Variants in INSR observed in about 807,000 individuals in gnomAD.
INSR encodes IR.
Under a neutral mutation model 142.6 loss-of-function variants are expected in INSR, and 67 were observed. That is an observed-to-expected ratio of 0.47 (90% CI 0.39 to 0.58). The LOEUF (loss-of-function observed/expected upper bound fraction) is 0.58. INSR is among the 20% of genes least tolerant of loss of function. The pLI is 0.00. For synonymous variants in INSR, 756 were observed against 743.1 expected (o/e 1.02, Z -0.28); for missense variants, 1,248 against 1,833.2 (o/e 0.68, Z 5.83).
rs1190921910 is a variant in INSR at position 7,246,909 on chromosome 19, T to TGAGAG, written c.652+20435_652+20436insCTCTC. Among the ~76,000 whole-genome samples, 244 of 144,666 alleles carry TGAGAG rather than the reference T, an allele frequency of 1.7e-3. 4 individuals are homozygous for TGAGAG. The highest frequency in any genetic ancestry group is 5.8e-3 in the African/African-American group (199 of 34,488). The allele number at this position is 144,666 out of a possible 152,430, so 94.9% of individuals were successfully genotyped here. On this transcript the variant is annotated intron_variant, in intron 2 of 21. Transcript: ENST00000302850. ...ACAGCAAAAGCTAGCTGATACAAGC[T>TGAGAG]CCATGAATGAACTTGGATACAAGTT...
At chr19:7,120,472 C>G in intron 20 of INSR, 148 bp downstream of exon 20, 1 of 851,246 alleles carries the variant, frequency 1.2e-6, no homozygotes, top group East Asian at 2.7e-5. Context: ...ATAAGAGTAG[C>G]CGTGGGAAGA....
rs886054661 is a variant in INSR, at chr19:7,112,707, G to T, written c.*4349C>A. 6.6e-6 allele frequency: 1 copy of T among 151,992 alleles called. No individual in the cohort carries two copies. The highest frequency in any genetic ancestry group is 6.6e-5 in the Admixed American group (1 of 15,264). The allele number at this position is 151,992 out of a possible 1,614,324, so 9.4% of individuals were successfully genotyped here. A position where few individuals can be genotyped will look rare whatever the true frequency, so the allele number is the denominator to read the frequency against. ...CAGATAGAAATTTGGCTGGTGGCTGGTTCTGGACCTTGACTAGTATCAGAA... is the reference window on the plus strand; with the variant it reads ...CAGATAGAAATTTGGCTGGTGGCTGTTTCTGGACCTTGACTAGTATCAGAA... On this transcript the variant is annotated 3_prime_UTR_variant, in exon 22 of 22. Coordinates refer to ENST00000302850, the MANE Select transcript of INSR (RefSeq NM_000208.4).
chr19:7,177,593 T>C (rs2144968648), intron 3 of INSR, among the ~76,000 whole-genome samples: 1 of 152,070 alleles, frequency 6.6e-6, no homozygotes, highest in Non-Finnish European at 1.5e-5. Flanking sequence ...AATGGCACGA[T>C]CTCGGCTCAC....
chr19:7,261,975 T>C (rs994027384), intron 2 of INSR, among the ~76,000 whole-genome samples: 1 of 152,166 alleles, frequency 6.6e-6, no homozygotes, highest in Non-Finnish European at 1.5e-5. Context: ...GTTGATGCAT[T>C]CCCCTGATGC....
At chr19:7,196,908 G>A (rs1314318769) in intron 2 of INSR, among the ~76,000 whole-genome samples, 1 of 152,138 alleles carries the variant, frequency 6.6e-6, no homozygotes, top group Non-Finnish European at 1.5e-5. Context: ...CTCCCTATAA[G>A]TGTGAGTTTT....
intron 2 of INSR, among the ~76,000 whole-genome samples, chr19:7,214,317 C>T (rs1275004062): frequency 6.6e-6 from 1 of 152,170 alleles, no homozygotes; most frequent in Non-Finnish European, 1.5e-5. Flanking sequence ...GCTGGCCCTC[C>T]ATAAACATTT....
At chr19:7,251,884 C>T (rs1235601039) in intron 2 of INSR, among the ~76,000 whole-genome samples, 1 of 151,128 alleles carries the variant, frequency 6.6e-6, no homozygotes, top group African/African-American at 2.4e-5. Flanking sequence ...TAAAGTAAAA[C>T]CAAAAAAAGA....
chr19:7,150,923 TTCTC>T lies in INSR; in HGVS notation c.2232-395_2232-392del, dbSNP rs997786669. Among the ~76,000 whole-genome samples, 9 of 151,960 alleles carry T rather than the reference TTCTC, an allele frequency of 5.9e-5. No homozygotes were observed. Among genetic ancestry groups the T allele is most frequent in the South Asian group, 4.2e-4 (2 of 4,794 alleles). ...TCCTCTTTCTCCTTTTCTTTTCTCT[TTCTC>T]TTTTCTCTCTCCCTCTCTCTCCTTC... is the stretch of plus-strand genomic sequence containing the variant. On this transcript the variant is annotated intron_variant, in intron 10 of 21. Transcript: ENST00000302850. This position sits in a 1 kb window ranked among gnomAD's most constrained non-coding sequence, Gnocchi z 4.2.
intron 13 of INSR, among the ~76,000 whole-genome samples, chr19:7,139,591 T>C (rs934932550): frequency 6.6e-6 from 1 of 152,102 alleles, no homozygotes; most frequent in Admixed American, 6.5e-5. Context: ...CTCTGTATGA[T>C]AAGGAATTTT....
At chr19:7,151,434 G>A (rs1427482883) in intron 10 of INSR, among the ~76,000 whole-genome samples, 1 of 118,788 alleles carries the variant, frequency 8.4e-6, no homozygotes, top group Non-Finnish European at 1.8e-5. Context: ...GCACCAACAT[G>A]TCTGGCTATT....
intron 9 of INSR, among the ~76,000 whole-genome samples, chr19:7,162,235 G>A (rs1249652746): frequency 1.3e-5 from 2 of 151,086 alleles, no homozygotes; most frequent in Non-Finnish European, 2.9e-5. Context: ...CCTGAGGCAG[G>A]AGAATCGCTT....
intron 2 of INSR, among the ~76,000 whole-genome samples, chr19:7,191,323 A>AAAAG (rs746227949): frequency 0.062 from 1,707 of 27,530 alleles, 28 homozygotes; most frequent in African/African-American, 0.14. Context: ...GAAAGAAAGA[A>AAAAG]AAAGAAAGAA....
At chr19:7,286,205 ACTCCTGGG>A (rs907054300) in intron 1 of INSR, among the ~76,000 whole-genome samples, 89 of 150,896 alleles carry the variant, frequency 5.9e-4, no homozygotes, top group Admixed American at 1.3e-4. Context: ...CTGGTCTTGA[ACTCCTGGG>A]CTCAAGAGAT....
Position 7,270,318 on chromosome 19 carries a change from C to T in INSR, c.101-2422G>A, listed in dbSNP as rs530698041. ...CTGAGTCCCACACTATATTTCATTT[C>T]TCTCTCTCTCTCTCTCTCTCTCACA... On this transcript the variant is annotated intron_variant, in intron 1 of 21. Transcript: ENST00000302850. Among the ~76,000 whole-genome samples, 381 of 94,806 alleles carry T rather than the reference C, an allele frequency of 4.0e-3. 1 individual carries two copies. Among genetic ancestry groups the T allele is most frequent in the Non-Finnish European group, 6.3e-3 (287 of 45,548 alleles). 62.2% of individuals were successfully genotyped at this position (94,806 alleles called of 152,430 possible).
rs73002061 is a variant in INSR, at chr19:7,238,925, C to T, written c.652+28420G>A. ...AGCGTTAGTTACAATGGCCAGAAGG[C>T]GGAAACAACCCAAATGTCCATCAAC... On this transcript the variant is annotated intron_variant, in intron 2 of 21. Transcript: ENST00000302850. Among the ~76,000 whole-genome samples, 405 of 108,176 alleles carry T rather than the reference C, an allele frequency of 3.7e-3. 2 individuals are homozygous for T. Among genetic ancestry groups the T allele is most frequent in the Middle Eastern group, 0.033 (3 of 92 alleles). 71.0% of individuals were successfully genotyped at this position (108,176 alleles called of 152,430 possible).
intron 2 of INSR, among the ~76,000 whole-genome samples, chr19:7,218,516 T>C (rs1309201980): frequency 2.0e-5 from 3 of 151,674 alleles, no homozygotes; most frequent in Non-Finnish European, 4.4e-5. Context: ...TCTGTTTGTT[T>C]GTTTTGTTGT....
intron 17 of INSR, chr19:7,123,205 G>A: frequency 1.8e-6 from 1 of 547,212 alleles, no homozygotes; most frequent in Non-Finnish European, 3.3e-6. Flanking sequence ...GAATCTTGCT[G>A]TTACCCAGGC....
Position 7,267,147 on chromosome 19 carries a change from T to C in INSR, c.652+198A>G, listed in dbSNP as rs1967758131. On this transcript the variant is annotated intron_variant, in intron 2 of 21. Coordinates refer to ENST00000302850, the MANE Select transcript of INSR (RefSeq NM_000208.4). This position sits in a 1 kb window ranked among gnomAD's most constrained non-coding sequence, Gnocchi z 6.3. The stretch of plus-strand genomic sequence containing the variant: ...TTGAGTCGTTGCATCAGAGACCATA[T>C]GGCCTGCAAAATCTGAAGTATCTAC... Among the ~76,000 whole-genome samples the C allele has an allele frequency of 6.6e-6, 1 of 152,156 alleles. No homozygotes were observed.
intron 2 of INSR, among the ~76,000 whole-genome samples, chr19:7,259,286 A>G (rs922479239): frequency 6.6e-6 from 1 of 151,600 alleles, no homozygotes; most frequent in Non-Finnish European, 1.5e-5. Context: ...ATTCTGAGCC[A>G]GAATCCCCAG....
Sources: gnomAD v4.1 joint callset for allele counts (sites outside exome capture counted in the v4.1 genomes callset) on GRCh38, gnomAD v4.1.1 for gene constraint, Gnocchi (gnomAD v3.1) non-coding constraint, MANE v1.5 for transcripts, NCBI Gene and HGNC (gene_info 2026-07-23, HGNC 2026-07-21) for gene names.